Variants in SLC1A2 observed in about 807,000 individuals in gnomAD.
SLC1A2 encodes solute carrier family 1 member 2.
A neutral mutation model predicts 48.8 loss-of-function variants in SLC1A2; 15 were observed. That is an observed-to-expected ratio of 0.31 (90% CI 0.21 to 0.47). The LOEUF is 0.47. Among genes scored for constraint, SLC1A2 ranks in the 20% least tolerant of loss-of-function variants. The pLI, the probability that SLC1A2 is intolerant of heterozygous loss-of-function variation, is 0.99. For synonymous variants in SLC1A2, 279 were observed against 272.6 expected, an observed-to-expected ratio of 1.02 and a Z score of -0.23; for missense variants, 502 against 730.5, an observed-to-expected ratio of 0.69 and a Z score of 3.61.
Position 35,258,584 on chromosome 11 carries a change from T to C in SLC1A2, c.*2310A>G, listed in dbSNP as rs1181691252. ...TCTTGGGAACACCACTTAAAGAAAATCCTAAACAGTTTCACAGCTAAACCC... is the reference window on the plus strand; with the variant it reads ...TCTTGGGAACACCACTTAAAGAAAACCCTAAACAGTTTCACAGCTAAACCC... On this transcript the variant is annotated 3_prime_UTR_variant, in exon 11 of 11. Transcript: ENST00000278379. 1 of 152,360 alleles carries C rather than the reference T, an allele frequency of 6.6e-6. No individual in the cohort carries two copies. Among genetic ancestry groups the C allele is most frequent in the Non-Finnish European group, 1.5e-5 (1 of 68,006 alleles). The allele number at this position is 152,360 out of a possible 1,614,324, so 9.4% of individuals were successfully genotyped here.
intron 1 of SLC1A2, among the ~76,000 whole-genome samples, chr11:35,389,190 G>A (rs1250673392): frequency 6.6e-6 from 1 of 152,000 alleles, no homozygotes; most frequent in East Asian, 1.9e-4. Context: ...AGAGAATGAA[G>A]TGCTTTAAAG....
intron 5 of SLC1A2, 102 bp from the exon 6 acceptor site, chr11:35,301,747 G>C (rs1249111701): frequency 2.9e-6 from 3 of 1,049,048 alleles, no homozygotes; most frequent in Non-Finnish European, 4.2e-6. Context: ...TGTTCTCACT[G>C]CTGGTTACCC....
At chr11:35,296,718 C>T (rs973557382) in intron 6 of SLC1A2, among the ~76,000 whole-genome samples, 12 of 152,124 alleles carry the variant, frequency 7.9e-5, no homozygotes, top group African/African-American at 1.7e-4. Flanking sequence ...GGAATATTCT[C>T]CCCTCAGTTC....
chr11:35,377,072 C>A (rs1272118528), intron 1 of SLC1A2, among the ~76,000 whole-genome samples: 1 of 152,166 alleles, frequency 6.6e-6, no homozygotes, highest in Non-Finnish European at 1.5e-5. Context: ...GGTGTATGTC[C>A]CCCCTTCCAA....
intron 7 of SLC1A2, among the ~76,000 whole-genome samples, chr11:35,288,211 C>T (rs1850886631): frequency 1.3e-5 from 2 of 152,186 alleles, no homozygotes; most frequent in African/African-American, 4.8e-5. Context: ...AAACCACTGG[C>T]CCACGAGCTC....
In SLC1A2 at chr11:35,389,468, A is replaced by C. The variant is rs113242524; in HGVS notation, c.17+29482T>G. On this transcript the variant is annotated intron_variant, in intron 1 of 10. Coordinates refer to ENST00000278379, the MANE Select transcript of SLC1A2 (RefSeq NM_004171.4). ...TCTCCTTCTCCTTCTTCTTCTTCTT[A>C]TTATTATTTTTCTTTTGGTGAGACA... Among the ~76,000 whole-genome samples, 869 of 125,902 alleles carry C rather than the reference A, an allele frequency of 6.9e-3. 4 individuals are homozygous for C. Among genetic ancestry groups the C allele is most frequent in the Non-Finnish European group, 9.0e-3 (514 of 56,868 alleles). The allele number at this position is 125,902 out of a possible 152,430, so 82.6% of individuals were successfully genotyped here. A position where few individuals can be genotyped will look rare whatever the true frequency, so the allele number is the denominator to read the frequency against.
At chr11:35,391,825 A>G (rs902628725) in intron 1 of SLC1A2, among the ~76,000 whole-genome samples, 1 of 152,164 alleles carries the variant, frequency 6.6e-6, no homozygotes, top group Non-Finnish European at 1.5e-5. Context: ...TTCACTTTCA[A>G]CCCTCAAACC....
chr11:35,315,157 A>G lies in SLC1A2; in HGVS notation c.176T>C (p.Val59Ala). ...LTVFGVILGA[V>A]CGGLLRLASP... Reference sequence around the variant, plus strand: ...TGCCAAGCGAAGAAGCCCTCCACACACTGCTCCCAGGATGACACCTAAAAG... The same window carrying G: ...TGCCAAGCGAAGAAGCCCTCCACACGCTGCTCCCAGGATGACACCTAAAAG... The change falls in exon 3 of 11, where the codon GTG becomes GCG. Residue 59 changes from valine (V) to alanine (A), a missense_variant. Physicochemically the swap from Val to Ala is moderately conservative, Grantham distance 64. Coordinates refer to ENST00000278379, the MANE Select transcript of SLC1A2 (RefSeq NM_004171.4). The G allele has an allele frequency of 8.7e-6, 14 of 1,613,664 alleles. No homozygotes were observed. The highest frequency in any genetic ancestry group is 1.2e-5 in the Non-Finnish European group (14 of 1,179,742).
chr11:35,317,766 C>T (rs912741948), intron 1 of SLC1A2, among the ~76,000 whole-genome samples: 9 of 152,196 alleles, frequency 5.9e-5, no homozygotes, highest in East Asian at 1.9e-4. Flanking sequence ...AGTTGCCCCC[C>T]GTGGTAACTT....
chr11:35,315,795 CA>C (rs199583319), intron 2 of SLC1A2: 2,657 of 49,448 alleles, frequency 0.054, 43 homozygotes, highest in East Asian at 0.17. Context: ...GACTCCATCT[CA>C]AAAAAAAAAA....
At chr11:35,326,391 G>A (rs184773661) in intron 1 of SLC1A2, among the ~76,000 whole-genome samples, 21 of 152,326 alleles carry the variant, frequency 1.4e-4, no homozygotes, top group African/African-American at 5.1e-4. Context: ...GTTTCTTCTA[G>A]CCTCTGAAGT....
At chr11:35,340,992 T>A (rs1304068203) in intron 1 of SLC1A2, among the ~76,000 whole-genome samples, 1 of 152,202 alleles carries the variant, frequency 6.6e-6, no homozygotes, top group African/African-American at 2.4e-5. Context: ...ACCAGCAGTA[T>A]GTTACTGTGA....
intron 1 of SLC1A2, among the ~76,000 whole-genome samples, chr11:35,384,370 G>T (rs917981963): frequency 1.3e-5 from 2 of 152,130 alleles, no homozygotes; most frequent in African/African-American, 2.4e-5. Context: ...GTTGCTCCTG[G>T]ATTGTCTGAG....
At chr11:35,372,957 C>A (rs189462183) in intron 1 of SLC1A2, among the ~76,000 whole-genome samples, 2 of 152,178 alleles carry the variant, frequency 1.3e-5, no homozygotes, top group East Asian at 3.8e-4. Flanking sequence ...GTAACTTGCT[C>A]GAACTTGTTT....
At chr11:35,265,170 C>G (rs1013917642) in intron 10 of SLC1A2, 61 of 309,266 alleles carry the variant, frequency 2.0e-4, no homozygotes, top group African/African-American at 1.2e-3. Context: ...GTCTTGATCT[C>G]CTGACCTCGT....
intron 1 of SLC1A2, among the ~76,000 whole-genome samples, chr11:35,370,103 A>G (rs1042913597): frequency 1.3e-5 from 2 of 152,222 alleles, no homozygotes; most frequent in Non-Finnish European, 2.9e-5. Flanking sequence ...AATAATTGTT[A>G]ATACTTATAA....
chr11:35,292,989 CAGAGAGAG>C (rs144246892), intron 6 of SLC1A2, among the ~76,000 whole-genome samples: 1 of 150,074 alleles, frequency 6.7e-6, no homozygotes, highest in African/African-American at 2.4e-5. Context: ...GAGAGAGAGA[CAGAGAGAG>C]AGAGAGAGAG....
At chr11:35,297,969 T>A (rs1213100090) in intron 6 of SLC1A2, 1 of 152,198 alleles carries the variant, frequency 6.6e-6, no homozygotes, top group Non-Finnish European at 1.5e-5. Flanking sequence ...CTAAATTGCC[T>A]AAAGTCACAC....
At chr11:35,347,451 A>G (rs796383617) in intron 1 of SLC1A2, among the ~76,000 whole-genome samples, 1 of 152,226 alleles carries the variant, frequency 6.6e-6, no homozygotes, top group South Asian at 2.1e-4. Flanking sequence ...CAAAGTCCAA[A>G]TCACTGATAG....
Sources: gnomAD v4.1 joint callset for allele counts (sites outside exome capture counted in the v4.1 genomes callset) on GRCh38, gnomAD v4.1.1 for gene constraint, MANE v1.5 for transcripts, NCBI Gene and HGNC (gene_info 2026-07-23, HGNC 2026-07-21) for gene names.